ARAP2: variants seen among roughly 807,000 people sequenced by gnomAD.
ARAP2 encodes the protein arf-GAP with Rho-GAP domain, ANK repeat and PH domain-containing protein 2.
A neutral mutation model predicts 194.5 loss-of-function variants in ARAP2; 148 were observed. The observed-to-expected ratio is 0.76, with a 90% CI of 0.67 to 0.87. The LOEUF (loss-of-function observed/expected upper bound fraction) is 0.87, where lower values mean the gene tolerates loss of function less well. Among genes scored for constraint, ARAP2 ranks in the 40% least tolerant of loss-of-function variants. The pLI is 0.00. For synonymous variants in ARAP2, 695 were observed against 683.5 expected (o/e 1.02, Z -0.26); for missense variants, 2,128 against 1,989.7 (o/e 1.07, Z -1.32).
intron 27 of ARAP2, among the ~76,000 whole-genome samples, chr4:36,098,075 T>C (rs1356673494): frequency 6.6e-6 from 1 of 151,896 alleles, no homozygotes; most frequent in Non-Finnish European, 1.5e-5. Flanking sequence ...ATAGTTTTTC[T>C]AAGCCATTTG....
chr4:36,174,196 T>C (rs1737298678), intron 9 of ARAP2, among the ~76,000 whole-genome samples: 1 of 152,176 alleles, frequency 6.6e-6, no homozygotes, highest in East Asian at 1.9e-4. Context: ...GTGTAACCTA[T>C]ACAAACCCAA....
At position 36,100,911 on chromosome 4, in the gene ARAP2, A is replaced by G. The variant is rs550052548; in HGVS notation, c.4285+6654T>C. 2.0e-5 allele frequency among the ~76,000 whole-genome samples: 3 copies of G among 152,062 alleles called. No homozygotes were observed. The South Asian group carries it at 6.2e-4, about 32-fold the overall frequency. ...AAGTATGCCCCCTTCACTCCAATCT[A>G]TTCTCCTTTATGTTATTTATACGGT... On this transcript the variant is annotated intron_variant, in intron 27 of 32. Coordinates refer to ENST00000303965, the MANE Select transcript of ARAP2 (RefSeq NM_015230.4).
chr4:36,220,157 T>A (rs1342525789), intron 2 of ARAP2, among the ~76,000 whole-genome samples: 2 of 152,164 alleles, frequency 1.3e-5, no homozygotes, highest in African/African-American at 4.8e-5. Flanking sequence ...GCACTAGTAA[T>A]TAATATTGCT....
rs193256714 is a variant in ARAP2 at position 36,164,262 on chromosome 4, A to C, written c.2173+652T>G. On this transcript the variant is annotated intron_variant, in intron 11 of 32. Transcript: ENST00000303965. Reference sequence around the variant, plus strand: ...GGTGGGACACAGGCAGTCCAGGATAACTGAAGTTTAGACTGTGGTTAACTT... The same window carrying C: ...GGTGGGACACAGGCAGTCCAGGATACCTGAAGTTTAGACTGTGGTTAACTT... 1.1e-3 allele frequency among the ~76,000 whole-genome samples: 172 copies of C among 152,210 alleles called. 1 individual carries two copies. Among genetic ancestry groups the C allele is most frequent in the African/African-American group, 4.0e-3 (167 of 41,538 alleles).
At chr4:36,107,500 T>C (rs938364683) in intron 27 of ARAP2, 65 bp downstream of exon 27, 2 of 1,487,194 alleles carry the variant, frequency 1.3e-6, no homozygotes, top group Non-Finnish European at 1.8e-6. Context: ...ACTTGTGCCA[T>C]ATTAATTACC....
At chr4:36,038,620 T>G (rs1314183961) in intron 5 of ARAP2, among the ~76,000 whole-genome samples, 2 of 152,354 alleles carry the variant, frequency 1.3e-5, no homozygotes, top group Non-Finnish European at 2.9e-5. Flanking sequence ...ACAGCCACTT[T>G]GAATATATCT....
chr4:36,178,786 A>G (rs1214631692), intron 8 of ARAP2, among the ~76,000 whole-genome samples: 3 of 152,228 alleles, frequency 2.0e-5, no homozygotes, highest in African/African-American at 7.2e-5. Context: ...GCTGAAGGTC[A>G]TATAGCAAGT....
chr4:36,215,333 G>A (rs890564325), intron 2 of ARAP2, among the ~76,000 whole-genome samples: 4 of 152,162 alleles, frequency 2.6e-5, no homozygotes, highest in Non-Finnish European at 2.9e-5. Context: ...GAAGAAATGC[G>A]GTGGAAAAAG....
intron 19 of ARAP2, among the ~76,000 whole-genome samples, chr4:36,134,407 G>A (rs1288330279): frequency 1.3e-5 from 2 of 151,446 alleles, no homozygotes; most frequent in Admixed American, 1.3e-4. Context: ...ACAAAATTCT[G>A]TTGACTACAG....
intron 9 of ARAP2, among the ~76,000 whole-genome samples, chr4:36,009,926 G>A (rs964725786): frequency 6.0e-5 from 9 of 151,066 alleles, no homozygotes; most frequent in African/African-American, 2.2e-4. Context: ...ATTTCTAAAT[G>A]TTCAAGGTTA....
In ARAP2 at chr4:36,148,410, C is replaced by G; in HGVS notation, c.2995G>C (p.Ala999Pro). The change falls in exon 17 of 33, where the codon GCC becomes CCC. Residue 999 changes from alanine to proline, a missense_variant. Ala to Pro is a conservative substitution (Grantham distance 27, BLOSUM62 -1). Coordinates refer to ENST00000303965, the MANE Select transcript of ARAP2 (RefSeq NM_015230.4). ...GTAACATAATATTTAAATACCTTGG[C>G]TATTGCCTCTGTCCATTTTCTTTGA... The part of the protein sequence containing the change: ...QAQRKWTEAI[A>P]KHFVPLFAEN... 1 of 1,611,148 alleles carries G rather than the reference C, an allele frequency of 6.2e-7. No individual in the cohort carries two copies. The highest frequency in any genetic ancestry group is 8.5e-7 in the Non-Finnish European group (1 of 1,177,878).
intron 6 of ARAP2, among the ~76,000 whole-genome samples, chr4:36,197,891 G>T (rs1743477187): frequency 6.6e-6 from 1 of 152,160 alleles, no homozygotes; most frequent in Admixed American, 6.5e-5. Flanking sequence ...GGTCCAAAGA[G>T]GGAGTCACAG....
At chr4:36,218,953 T>C (rs985313236) in intron 2 of ARAP2, among the ~76,000 whole-genome samples, 1 of 152,194 alleles carries the variant, frequency 6.6e-6, no homozygotes, top group Non-Finnish European at 1.5e-5. Context: ...GATATAAATG[T>C]AGCAAAAGGT....
chr4:36,104,200 A>G (rs1717773913), intron 27 of ARAP2, among the ~76,000 whole-genome samples: 1 of 133,554 alleles, frequency 7.5e-6, no homozygotes, highest in African/African-American at 2.5e-5. Context: ...CTGCTCCCCC[A>G]CCTTTTTTTC....
At chr4:36,097,135 T>C (rs1715533344) in intron 27 of ARAP2, among the ~76,000 whole-genome samples, 1 of 152,106 alleles carries the variant, frequency 6.6e-6, no homozygotes, top group African/African-American at 2.4e-5. Flanking sequence ...GAAAATATTG[T>C]TTAAATTTTA....
At chr4:36,100,714 G>T (rs2109429079) in intron 27 of ARAP2, among the ~76,000 whole-genome samples, 1 of 152,000 alleles carries the variant, frequency 6.6e-6, no homozygotes, top group African/African-American at 2.4e-5. Context: ...ACACCAAACT[G>T]GGCATAATCA....
At chr4:36,063,996 T>C (rs761255002), downstream of ARAP2, among the ~76,000 whole-genome samples, 3 of 152,220 alleles carry the variant, frequency 2.0e-5, no homozygotes, top group Non-Finnish European at 4.4e-5. Flanking sequence ...CAGCAGCTAA[T>C]ATAGTTACGT....
At chr4:36,038,750 T>C (rs1720348082) in intron 5 of ARAP2, among the ~76,000 whole-genome samples, 1 of 152,216 alleles carries the variant, frequency 6.6e-6, no homozygotes. Flanking sequence ...ATAATTACTT[T>C]CTGCTTTGGA....
At position 36,160,487 on chromosome 4, in the gene ARAP2, G is replaced by A; in HGVS notation, c.2414C>T (p.Ala805Val). 6.4e-7 allele frequency: 1 copy of A among 1,562,904 alleles called. No individual in the cohort carries two copies. Among genetic ancestry groups the A allele is most frequent in the Non-Finnish European group, 8.6e-7 (1 of 1,161,060 alleles). Reference protein sequence around the residue: ...KEGKFRKTLLASLTKEELNKA... With the variant: ...KEGKFRKTLLVSLTKEELNKA... ...ATTTAATTCTTCTTTGGTGAGAGAT[G>A]CCAAAAGAGTTTTTCTGAATTTTCC... The change falls in exon 13 of 33, where the codon GCA (alanine) becomes GTA (valine). Residue 805 changes from alanine (A) to valine (V), a missense_variant. Coordinates refer to ENST00000303965, the MANE Select transcript of ARAP2 (RefSeq NM_015230.4).
Sources: gnomAD v4.1 joint callset for allele counts (sites outside exome capture counted in the v4.1 genomes callset) on GRCh38, gnomAD v4.1.1 for gene constraint, MANE v1.5 for transcripts, NCBI Gene and HGNC (gene_info 2026-07-23, HGNC 2026-07-21) for gene names.